The following CSMD1 variants were observed in gnomAD, a reference collection of about 807,000 sequenced individuals.
CSMD1 encodes the protein CUB and sushi domain-containing protein 1.
CSMD1 carries 213 observed loss-of-function variants against 417.5 expected under a neutral mutation model. The ratio of observed to expected loss-of-function variants is 0.51; its 90% CI spans 0.46 to 0.57. The LOEUF is 0.57. CSMD1 is among the 20% of genes least tolerant of loss of function. The probability of loss-of-function intolerance (pLI) is 0.00; values close to 1 mark genes in which losing one functional copy is unlikely to be tolerated. For missense variants in CSMD1, 6,923 were observed against 4,529.7 expected (o/e 1.53, Z -15.17); for synonymous variants, 2,862 against 1,736.8 (o/e 1.65, Z -16.11).
At chr8:3,678,023 T>C (rs1402498885) in intron 7 of CSMD1, among the ~76,000 whole-genome samples, 1 of 152,138 alleles carries the variant, frequency 6.6e-6, no homozygotes, top group Non-Finnish European at 1.5e-5. Flanking sequence ...CTTCAAAGCG[T>C]TCTGTCAATA....
intron 3 of CSMD1, among the ~76,000 whole-genome samples, chr8:4,061,657 G>C (rs552225289): frequency 6.6e-6 from 1 of 152,270 alleles, no homozygotes; most frequent in African/African-American, 2.4e-5. Context: ...TGTGTGGAAA[G>C]ACTGTTTCGT....
intron 3 of CSMD1, among the ~76,000 whole-genome samples, chr8:4,385,408 A>G (rs1173519553): frequency 6.6e-6 from 1 of 152,088 alleles, no homozygotes; most frequent in Non-Finnish European, 1.5e-5. Context: ...AAATGCATGC[A>G]CTTGCTACAG....
At chr8:3,844,364 C>G (rs1259117718) in intron 5 of CSMD1, among the ~76,000 whole-genome samples, 1 of 152,124 alleles carries the variant, frequency 6.6e-6, no homozygotes, top group African/African-American at 2.4e-5. Context: ...GAAGTTCTAT[C>G]TGGTAGACAC....
At chr8:4,554,092 T>G (rs1402573941) in intron 2 of CSMD1, among the ~76,000 whole-genome samples, 1 of 152,184 alleles carries the variant, frequency 6.6e-6, no homozygotes, top group East Asian at 1.9e-4. Flanking sequence ...ATATTGTGTG[T>G]AAATTCAACA....
intron 3 of CSMD1, among the ~76,000 whole-genome samples, chr8:4,362,972 C>A (rs11787405): frequency 0.64 from 97,881 of 152,072 alleles, 32,896 homozygotes; most frequent in African/African-American, 0.86. Flanking sequence ...CTAAAAACTG[C>A]TATCAACAAA....
intron 6 of CSMD1, among the ~76,000 whole-genome samples, chr8:3,729,954 AAAAAAAACAAAAAC>A (rs1802738637): frequency 4.0e-4 from 5 of 12,474 alleles, no homozygotes; most frequent in East Asian, 2.9e-3. Context: ...AAAAAAAAAA[AAAAAAAACAAAAAC>A]AGAAGAACGG....
rs138793470 is a variant in CSMD1, at chr8:3,575,073, A to G, written c.1223-7T>C. The G allele has an allele frequency of 5.4e-4, 865 of 1,612,434 alleles. 7 individuals carry two copies. In the African/African-American group the frequency reaches 0.01, roughly 19 times the overall value. ...TTGGATCCACATGTTCTCGCTGGAA[A>G]CACATAGAAACGACGTTATTTTCTA... On this transcript the variant is annotated splice_region_variant and splice_polypyrimidine_tract_variant and intron_variant, in intron 9 of 69. Coordinates refer to ENST00000635120, the MANE Select transcript of CSMD1 (RefSeq NM_033225.6).
intron 26 of CSMD1, among the ~76,000 whole-genome samples, chr8:3,254,546 C>A (rs898571084): frequency 6.6e-6 from 1 of 152,094 alleles, no homozygotes; most frequent in Admixed American, 6.6e-5. Flanking sequence ...TCACATAGTC[C>A]CATATTTCTT....
At chr8:4,983,516 C>T (rs1368839617) in intron 1 of CSMD1, among the ~76,000 whole-genome samples, 2 of 152,092 alleles carry the variant, frequency 1.3e-5, no homozygotes, top group Non-Finnish European at 2.9e-5. Context: ...AATCAGCAAG[C>T]AAGAATAACA....
chr8:3,507,574 C>T (rs539543807), intron 10 of CSMD1, among the ~76,000 whole-genome samples: 1 of 152,240 alleles, frequency 6.6e-6, no homozygotes, highest in South Asian at 2.1e-4. Flanking sequence ...CCTGAGGAAT[C>T]GCCACACTGA....
intron 1 of CSMD1, among the ~76,000 whole-genome samples, chr8:4,708,754 C>T (rs866530300): frequency 6.6e-6 from 1 of 152,022 alleles, no homozygotes; most frequent in Admixed American, 6.5e-5. Context: ...AAAGTCCTAA[C>T]CCCCAGCATG....
intron 7 of CSMD1, among the ~76,000 whole-genome samples, chr8:3,656,379 C>T (rs184962788): frequency 5.9e-4 from 90 of 151,300 alleles, no homozygotes; most frequent in African/African-American, 2.1e-3. Flanking sequence ...TAGATGACAC[C>T]TGCTTTCTCT....
intron 3 of CSMD1, among the ~76,000 whole-genome samples, chr8:4,100,518 G>A (rs886201529): frequency 6.6e-6 from 1 of 152,266 alleles, no homozygotes; most frequent in East Asian, 1.9e-4. Flanking sequence ...GATTAAAAAT[G>A]GGTATCTTAT....
intron 3 of CSMD1, among the ~76,000 whole-genome samples, chr8:4,154,998 G>A (rs1029996256): frequency 1.3e-5 from 2 of 152,140 alleles, no homozygotes; most frequent in African/African-American, 2.4e-5. Flanking sequence ...AAACACGACT[G>A]CAAGTTTCTG....
At chr8:4,356,636 G>C (rs373130257) in intron 3 of CSMD1, among the ~76,000 whole-genome samples, 1 of 151,936 alleles carries the variant, frequency 6.6e-6, no homozygotes, top group African/African-American at 2.4e-5. Context: ...GCTTTATTCT[G>C]GTCCTGCGAA....
At chr8:4,350,463 C>G (rs1005915533) in intron 3 of CSMD1, among the ~76,000 whole-genome samples, 1 of 152,200 alleles carries the variant, frequency 6.6e-6, no homozygotes, top group African/African-American at 2.4e-5. Context: ...ACATGATACT[C>G]TTTGCCTGCT....
intron 3 of CSMD1, among the ~76,000 whole-genome samples, chr8:4,249,654 T>C (rs111291947): frequency 5.1e-4 from 77 of 152,294 alleles, no homozygotes; most frequent in African/African-American, 1.8e-3. Context: ...GCTCTAGGCT[T>C]GAGAGCTGCC....
intron 6 of CSMD1, among the ~76,000 whole-genome samples, chr8:3,737,503 G>A (rs1378292538): frequency 6.6e-6 from 1 of 152,096 alleles, no homozygotes. Context: ...TTTCTCTGTT[G>A]AACATTTTTT....
chr8:3,776,708 A>T (rs1433238563), intron 5 of CSMD1, among the ~76,000 whole-genome samples: 1 of 151,934 alleles, frequency 6.6e-6, no homozygotes, highest in Non-Finnish European at 1.5e-5. Flanking sequence ...GGCTACCTGG[A>T]GAGATGATAG....
Sources: allele counts gnomAD v4.1 joint callset (sites outside exome capture counted in the v4.1 genomes callset), GRCh38; gene constraint gnomAD v4.1.1; transcripts MANE v1.5; gene names NCBI Gene and HGNC (gene_info 2026-07-23, HGNC 2026-07-21).